Variants in MYH16 observed in about 807,000 individuals in gnomAD.
The protein encoded by MYH16 is myosin heavy chain 16.
intron 33 of MYH16, 74 bp downstream of exon 14, chr7:99,294,224 TC>T: frequency 2.5e-6 from 1 of 405,616 alleles, no homozygotes; most frequent in South Asian, 1.8e-5. Flanking sequence ...GGCAAGGCTG[TC>T]ACATGTCTGG....
At chr7:99,291,339 G>A (rs754729184) in exon 31 of MYH16, 1 of 456,656 alleles carries the variant, frequency 2.2e-6, no homozygotes, top group Non-Finnish European at 4.4e-6. Context: ...ATAGTGAACT[G>A]AGCAGGGAAT....
rs569636164 is a variant in MYH16 at position 99,279,351 on chromosome 7, C to T, written n.2660-159C>T. Among the ~76,000 whole-genome samples the T allele has an allele frequency of 3.5e-5, 5 of 144,716 alleles. No individual in the cohort carries two copies. The East Asian group carries it at 7.9e-4, about 23-fold the overall frequency. The allele number at this position is 144,716 out of a possible 152,430, so 94.9% of individuals were successfully genotyped here. A position where few individuals can be genotyped will look rare whatever the true frequency, so the allele number is the denominator to read the frequency against. ...TCCAGCCTGGGCAACAAAGCAAAAC[C>T]CTGACTCAAAAAAAAAAAAAAAAAA... On this transcript the variant is annotated intron_variant and non_coding_transcript_variant, in intron 21 of 41. Transcript: ENST00000439784.
chr7:99,304,924 G>A (rs1355400627), intron 40 of MYH16, among the ~76,000 whole-genome samples, 168 bp downstream of exon 21: 1 of 152,162 alleles, frequency 6.6e-6, no homozygotes, highest in Non-Finnish European at 1.5e-5. Flanking sequence ...AGTGGCTCAC[G>A]CCCGTAATCC....
At chr7:99,267,757 G>A (rs1254099056) in intron 18 of MYH16, among the ~76,000 whole-genome samples, 1 of 152,152 alleles carries the variant, frequency 6.6e-6, no homozygotes, top group Non-Finnish European at 1.5e-5. Context: ...CAGCATCCTG[G>A]TGGGGTTGTA....
chr7:99,291,355 G>A, exon 31 of MYH16: 1 of 456,738 alleles, frequency 2.2e-6, no homozygotes, highest in Middle Eastern at 3.3e-4. Flanking sequence ...GGAATATGAA[G>A]AGTCCCAGAG....
At chr7:99,240,741 G>T (rs150270866) in intron 1 of MYH16, among the ~76,000 whole-genome samples, 1 of 152,052 alleles carries the variant, frequency 6.6e-6, no homozygotes, top group Non-Finnish European at 1.5e-5. Flanking sequence ...TTAGGAGGCT[G>T]AGCCAGGAGA....
chr7:99,304,380 G>A (rs994668901), intron 39 of MYH16, among the ~76,000 whole-genome samples: 1 of 152,158 alleles, frequency 6.6e-6, no homozygotes, highest in Non-Finnish European at 1.5e-5. Flanking sequence ...TGGGAGGCAT[G>A]AGCTTGGCTC....
chr7:99,265,994 A>G (rs114117687), intron 17 of MYH16, among the ~76,000 whole-genome samples: 2,133 of 152,312 alleles, frequency 0.014, 52 homozygotes, highest in African/African-American at 0.049. Flanking sequence ...GCCCTCAATC[A>G]GTGACTGAGG....
At chr7:99,265,102 A>C (rs1459970859) in intron 15 of MYH16, 1 of 152,640 alleles carries the variant, frequency 6.6e-6, no homozygotes, top group Non-Finnish European at 1.5e-5. Flanking sequence ...CTCCAACCCC[A>C]GGAGCAGCTG....
chr7:99,240,735 G>A (rs1314814422), intron 1 of MYH16, among the ~76,000 whole-genome samples: 1 of 151,904 alleles, frequency 6.6e-6, no homozygotes, highest in Non-Finnish European at 1.5e-5. Flanking sequence ...AGTTACTTAG[G>A]AGGCTGAGCC....
intron 20 of MYH16, among the ~76,000 whole-genome samples, chr7:99,275,092 C>CA (rs1562779594): frequency 1.3e-5 from 2 of 152,108 alleles, no homozygotes. Flanking sequence ...ACTCCGGGCT[C>CA]AAGCGATCCT....
intron 31 of MYH16, 132 bp from the exon 13 acceptor site, chr7:99,292,180 G>A (rs1226206408): frequency 2.9e-6 from 1 of 350,876 alleles, no homozygotes; most frequent in Non-Finnish European, 5.7e-6. Flanking sequence ...CCGATGGTTT[G>A]GATTGTGGGA....
At chr7:99,260,198 CCAA>C in exon 12 of MYH16, 1 of 1,610,490 alleles carries the variant, frequency 6.2e-7, no homozygotes, top group Non-Finnish European at 8.5e-7. Context: ...ATCAACTTCA[CCAA>C]CGAGAAGCTG....
At chr7:99,285,146 G>A (rs959373168) in intron 26 of MYH16, among the ~76,000 whole-genome samples, 15 of 152,150 alleles carry the variant, frequency 9.9e-5, no homozygotes, top group African/African-American at 3.6e-4. Context: ...CCTCATCACC[G>A]AGTGTTTCCC....
At chr7:99,293,225 G>A (rs566357720) in intron 32 of MYH16, among the ~76,000 whole-genome samples, 1 of 152,148 alleles carries the variant, frequency 6.6e-6, no homozygotes, top group South Asian at 2.1e-4. Context: ...ATTTTTTCTT[G>A]TATAAAGCCA....
intron 25 of MYH16, among the ~76,000 whole-genome samples, chr7:99,284,524 G>A (rs1250115204): frequency 6.6e-6 from 1 of 152,170 alleles, no homozygotes; most frequent in Non-Finnish European, 1.5e-5. Context: ...AGGAGGTCAA[G>A]GCTGCAGTGA....
chr7:99,247,595 C>T (rs183934782), exon 3 of MYH16: 2 of 180,768 alleles, frequency 1.1e-5, no homozygotes, highest in Non-Finnish European at 2.4e-5. Flanking sequence ...TCCCACCAGA[C>T]CTACTCGGGC....
chr7:99,283,508 C>T (rs2150822386), intron 23 of MYH16, 57 bp from the exon 6 acceptor site: 3 of 453,866 alleles, frequency 6.6e-6, no homozygotes, highest in South Asian at 4.7e-5. Flanking sequence ...AGGATCAGGA[C>T]TGTTCAGCTG....
chr7:99,306,316 G>C (rs1792678713), intron 41 of MYH16, among the ~76,000 whole-genome samples: 1 of 152,024 alleles, frequency 6.6e-6, no homozygotes, highest in Admixed American at 6.6e-5. Context: ...ATCACCTGAG[G>C]TCAGGAGTTT....
Sources: allele counts gnomAD v4.1 joint callset (sites outside exome capture counted in the v4.1 genomes callset), GRCh38; gene constraint gnomAD v4.1.1; transcripts MANE v1.5; gene names NCBI Gene and HGNC (gene_info 2026-07-23, HGNC 2026-07-21).